The following EPHA6 variants were observed in gnomAD, a reference collection of about 807,000 sequenced individuals.
The protein encoded by EPHA6 is EPH receptor A6.
In EPHA6, 50 loss-of-function variants were observed where a neutral mutation model predicts 112.0. That is an observed-to-expected ratio of 0.45 (90% CI 0.36 to 0.56). The LOEUF (loss-of-function observed/expected upper bound fraction) is 0.56. EPHA6 is among the 20% of genes least tolerant of loss of function. The pLI, the probability that EPHA6 is intolerant of heterozygous loss-of-function variation, is 0.00. For synonymous variants in EPHA6, 529 were observed against 490.7 expected (o/e 1.08, Z -1.03); for missense variants, 1,280 against 1,417.4 (o/e 0.90, Z 1.56).
intron 7 of EPHA6, chr3:97,466,418 G>A: frequency 1.2e-6 from 2 of 1,600,932 alleles, no homozygotes; most frequent in African/African-American, 1.3e-5. Context: ...ATATTCCATA[G>A]GACTCTCCAT....
At chr3:97,435,346 GA>G (rs1450060580) in intron 6 of EPHA6, among the ~76,000 whole-genome samples, 1 of 152,108 alleles carries the variant, frequency 6.6e-6, no homozygotes, top group Non-Finnish European at 1.5e-5. Context: ...CTAAAAACTT[GA>G]AGTCTACTTA....
intron 5 of EPHA6, among the ~76,000 whole-genome samples, chr3:97,315,198 G>A (rs1000627382): frequency 6.6e-6 from 1 of 151,542 alleles, no homozygotes; most frequent in Non-Finnish European, 1.5e-5. Flanking sequence ...AAACAATATA[G>A]GTTGCCATCT....
chr3:97,381,555 G>A (rs149912109), intron 5 of EPHA6, among the ~76,000 whole-genome samples: 111 of 152,090 alleles, frequency 7.3e-4, no homozygotes, highest in African/African-American at 2.6e-3. Context: ...CATCACATGC[G>A]GAAAAGTTAA....
At chr3:97,417,854 C>A (rs2088259090) in intron 6 of EPHA6, among the ~76,000 whole-genome samples, 2 of 152,018 alleles carry the variant, frequency 1.3e-5, no homozygotes, top group South Asian at 2.1e-4. Context: ...GAAGTAAATC[C>A]TATCTAGAGA....
chr3:97,733,435 A>G (rs1379448532), intron 15 of EPHA6, among the ~76,000 whole-genome samples: 1 of 152,114 alleles, frequency 6.6e-6, no homozygotes, highest in Non-Finnish European at 1.5e-5. Flanking sequence ...AAATGCCATC[A>G]TGCTTATACT....
At chr3:97,491,373 C>G (rs1047836988) in intron 10 of EPHA6, among the ~76,000 whole-genome samples, 1 of 152,162 alleles carries the variant, frequency 6.6e-6, no homozygotes, top group Non-Finnish European at 1.5e-5. Context: ...CTTAGACACT[C>G]TCTGATACTC....
At chr3:97,523,705 T>C (rs1176304510) in intron 10 of EPHA6, among the ~76,000 whole-genome samples, 1 of 152,064 alleles carries the variant, frequency 6.6e-6, no homozygotes, top group Non-Finnish European at 1.5e-5. Context: ...GATTTATTAA[T>C]GTTTGCTTTA....
At chr3:97,246,375 A>C (rs545036923) in intron 5 of EPHA6, among the ~76,000 whole-genome samples, 2 of 152,034 alleles carry the variant, frequency 1.3e-5, no homozygotes, top group East Asian at 3.9e-4. Context: ...GGATTACAAA[A>C]GAGTATATTT....
chr3:97,042,406 G>A (rs986765053), intron 3 of EPHA6, among the ~76,000 whole-genome samples: 92 of 152,138 alleles, frequency 6.0e-4, no homozygotes, highest in Non-Finnish European at 2.1e-4. Flanking sequence ...TGTACAGCCT[G>A]CAGAACTGTT....
chr3:96,963,940 GTTTA>G (rs1377703140), intron 2 of EPHA6, among the ~76,000 whole-genome samples: 2 of 151,990 alleles, frequency 1.3e-5, no homozygotes, highest in Non-Finnish European at 2.9e-5. Context: ...CTCTAGAATG[GTTTA>G]TTTATGTATA....
At chr3:97,504,754 C>T (rs1032758007) in intron 10 of EPHA6, among the ~76,000 whole-genome samples, 2 of 152,082 alleles carry the variant, frequency 1.3e-5, no homozygotes, top group African/African-American at 2.4e-5. Flanking sequence ...AATCTATTTC[C>T]TAAGCACAAA....
chr3:97,633,746 T>C (rs1171582350), intron 13 of EPHA6, among the ~76,000 whole-genome samples: 1 of 152,110 alleles, frequency 6.6e-6, no homozygotes, highest in Non-Finnish European at 1.5e-5. Context: ...TCTACCATAT[T>C]CAAGGAAACC....
At chr3:97,118,661 G>A (rs1410415951) in intron 3 of EPHA6, among the ~76,000 whole-genome samples, 5 of 151,764 alleles carry the variant, frequency 3.3e-5, no homozygotes, top group Non-Finnish European at 7.4e-5. Flanking sequence ...GTATATTTAA[G>A]AATCACACAA....
At chr3:97,489,946 A>G (rs538247705) in intron 10 of EPHA6, among the ~76,000 whole-genome samples, 1 of 152,292 alleles carries the variant, frequency 6.6e-6, no homozygotes, top group Non-Finnish European at 1.5e-5. Flanking sequence ...TGTTAATTTC[A>G]TGAGTGTTTA....
intron 13 of EPHA6, among the ~76,000 whole-genome samples, chr3:97,629,014 C>T (rs2093881465): frequency 6.6e-6 from 1 of 151,956 alleles, no homozygotes. Flanking sequence ...TTCACCGCAA[C>T]CTCAAACTTC....
chr3:97,504,278 G>T (rs532688911), intron 10 of EPHA6, among the ~76,000 whole-genome samples: 38 of 152,274 alleles, frequency 2.5e-4, no homozygotes, highest in African/African-American at 8.7e-4. Flanking sequence ...TGGACACAAA[G>T]GCTAAGGTTG....
At chr3:97,488,044 A>C (rs914715613) in intron 10 of EPHA6, among the ~76,000 whole-genome samples, 1 of 152,222 alleles carries the variant, frequency 6.6e-6, no homozygotes, top group Non-Finnish European at 1.5e-5. Context: ...AAACCAGTAT[A>C]AGAACAACTT....
At chr3:96,835,476 G>A (rs1402999595) in intron 1 of EPHA6, among the ~76,000 whole-genome samples, 1 of 152,028 alleles carries the variant, frequency 6.6e-6, no homozygotes, top group Non-Finnish European at 1.5e-5. Context: ...AGTATCAAGT[G>A]CAAGGGGATG....
chr3:97,450,383 C>A (rs1265718797), intron 7 of EPHA6, among the ~76,000 whole-genome samples: 1 of 151,992 alleles, frequency 6.6e-6, no homozygotes, highest in African/African-American at 2.4e-5. Context: ...TTTTGCACTT[C>A]TCTTACTTTA....
Sources: gnomAD v4.1 joint callset for allele counts (sites outside exome capture counted in the v4.1 genomes callset) on GRCh38, gnomAD v4.1.1 for gene constraint, MANE v1.5 for transcripts, NCBI Gene and HGNC (gene_info 2026-07-23, HGNC 2026-07-21) for gene names.